The following TBC1D5 variants were observed in gnomAD, a reference collection of about 807,000 sequenced individuals.
TBC1D5 encodes the protein TBC1 domain family, member 5.
A neutral mutation model predicts 100.3 loss-of-function variants in TBC1D5; 75 were observed. The ratio of observed to expected loss-of-function variants is 0.75; its 90% confidence interval spans 0.62 to 0.91. The LOEUF is 0.91. Ranked by LOEUF, TBC1D5 falls within the 40% of genes least tolerant of loss-of-function variation. TBC1D5 has a pLI of 0.00. For missense variants in TBC1D5, 910 were observed against 942.4 expected, an observed-to-expected ratio of 0.97 and a Z score of 0.45; for synonymous variants, 323 against 325.6, an observed-to-expected ratio of 0.99 and a Z score of 0.09.
chr3:17,320,822 A>G (rs1368122810), intron 13 of TBC1D5, among the ~76,000 whole-genome samples: 1 of 152,142 alleles, frequency 6.6e-6, no homozygotes, highest in African/African-American at 2.4e-5. Context: ...TTACATTTCT[A>G]TATGTATTGA....
intron 2 of TBC1D5, among the ~76,000 whole-genome samples, chr3:17,552,491 C>A (rs576361682): frequency 6.6e-6 from 1 of 152,202 alleles, no homozygotes; most frequent in Non-Finnish European, 1.5e-5. Context: ...AAAGGCAAAT[C>A]ATGAAAGAAG....
chr3:17,291,526 G>T (rs1358260790), intron 15 of TBC1D5, among the ~76,000 whole-genome samples: 1 of 152,086 alleles, frequency 6.6e-6, no homozygotes, highest in Non-Finnish European at 1.5e-5. Context: ...TCTTCATATG[G>T]CCCCCAAGGT....
At chr3:17,673,897 T>C (rs1183476347) in intron 1 of TBC1D5, among the ~76,000 whole-genome samples, 1 of 152,164 alleles carries the variant, frequency 6.6e-6, no homozygotes. Context: ...GACTCCACCA[T>C]GCAGATCTCC....
intron 2 of TBC1D5, among the ~76,000 whole-genome samples, chr3:17,554,857 T>G (rs552762926): frequency 3.3e-5 from 5 of 151,580 alleles, no homozygotes; most frequent in African/African-American, 1.2e-4. Context: ...TTTTTTTTTT[T>G]CTTTTTTTTT....
At chr3:17,388,071 A>G (rs938964682) in intron 8 of TBC1D5, among the ~76,000 whole-genome samples, 2 of 152,120 alleles carry the variant, frequency 1.3e-5, no homozygotes, top group African/African-American at 4.8e-5. Context: ...ATGAACAGCA[A>G]AGATTAAGTA....
intron 2 of TBC1D5, among the ~76,000 whole-genome samples, chr3:17,554,936 G>A (rs747143515): frequency 1.1e-4 from 16 of 150,722 alleles, no homozygotes; most frequent in Non-Finnish European, 2.2e-4. Context: ...TGCCACCTCC[G>A]CCTCCCAGGT....
At chr3:17,700,890 A>C (rs909939941) in intron 1 of TBC1D5, among the ~76,000 whole-genome samples, 2 of 152,158 alleles carry the variant, frequency 1.3e-5, no homozygotes, top group African/African-American at 4.8e-5. Flanking sequence ...TGGGACTGTA[A>C]ACCAGTTCAA....
chr3:17,503,875 C>G (rs1243069294), intron 3 of TBC1D5, among the ~76,000 whole-genome samples: 1 of 149,558 alleles, frequency 6.7e-6, no homozygotes, highest in Non-Finnish European at 1.5e-5. Flanking sequence ...ATCATCATAA[C>G]TTGACATTTA....
rs2066902561 is a variant in TBC1D5, at chr3:17,663,639, A to C, written c.-100-39726T>G. 2.6e-5 allele frequency among the ~76,000 whole-genome samples: 4 copies of C among 152,186 alleles called. No individual in the cohort carries two copies. The South Asian group carries it at 8.3e-4, about 31-fold the overall frequency. ...AATGAAACTTGTAAAGTTTGGCAGT[A>C]AGTATCAAGAGACTTGTAATTACCC... On this transcript the variant is annotated intron_variant, in intron 1 of 21. Coordinates refer to ENST00000253692, the Ensembl canonical transcript of TBC1D5.
chr3:17,258,291 C>T (rs2077922263), intron 16 of TBC1D5, among the ~76,000 whole-genome samples: 1 of 152,064 alleles, frequency 6.6e-6, no homozygotes, highest in African/African-American at 2.4e-5. Flanking sequence ...CAAATTGTAA[C>T]AAGTACTCTT....
rs927820872 is a variant in TBC1D5, at chr3:17,645,501, A to G, written c.-100-21588T>C. On this transcript the variant is annotated intron_variant, in intron 1 of 21. Transcript: ENST00000253692. The stretch of plus-strand genomic sequence containing the variant: ...TTCGGCAACTAAATCCACTATCCAG[A>G]CATTACTAGAATTGACATTTAGAGT... Among the ~76,000 whole-genome samples, 6 of 152,244 alleles carry G rather than the reference A, an allele frequency of 3.9e-5. No homozygotes were observed. The East Asian group carries it at 5.8e-4, about 15-fold the overall frequency.
At chr3:17,392,714 A>G (rs929309896) in intron 8 of TBC1D5, among the ~76,000 whole-genome samples, 1 of 152,108 alleles carries the variant, frequency 6.6e-6, no homozygotes, top group Non-Finnish European at 1.5e-5. Context: ...TTATGGCTGC[A>G]TAGTATTCCA....
chr3:17,284,128 T>A (rs2080914434), intron 15 of TBC1D5, among the ~76,000 whole-genome samples: 1 of 62,140 alleles, frequency 1.6e-5, no homozygotes, highest in Non-Finnish European at 3.6e-5. Flanking sequence ...ACACACGTAT[T>A]TTTAATTTAG....
intron 2 of TBC1D5, among the ~76,000 whole-genome samples, chr3:17,527,793 A>G (rs1471241570): frequency 6.6e-6 from 1 of 152,248 alleles, no homozygotes; most frequent in African/African-American, 2.4e-5. Context: ...CCAGATGACA[A>G]TCTTCAAGAT....
chr3:17,439,344 T>C (rs536397627), intron 3 of TBC1D5, among the ~76,000 whole-genome samples: 1 of 152,294 alleles, frequency 6.6e-6, no homozygotes, highest in South Asian at 2.1e-4. Flanking sequence ...GTCTTTTAAA[T>C]AACAGCTATC....
intron 13 of TBC1D5, among the ~76,000 whole-genome samples, chr3:17,360,221 C>G (rs1334354259): frequency 1.3e-5 from 2 of 151,894 alleles, no homozygotes; most frequent in African/African-American, 4.8e-5. Flanking sequence ...TTTCCTGACC[C>G]TTGTTAGATG....
At chr3:17,473,033 C>A (rs1192431369) in intron 3 of TBC1D5, among the ~76,000 whole-genome samples, 1 of 152,126 alleles carries the variant, frequency 6.6e-6, no homozygotes, top group Non-Finnish European at 1.5e-5. Context: ...CTATCATGAG[C>A]TACAAATTTT....
upstream of TBC1D5, chr3:17,742,348 G>A (rs1326175677): frequency 6.5e-6 from 1 of 153,514 alleles, no homozygotes; most frequent in Non-Finnish European, 1.4e-5. Context: ...GGCGCGAAGG[G>A]GGGCGAAACC....
intron 9 of TBC1D5, 32 bp downstream of exon 9, chr3:17,383,881 A>T (rs1158349975): frequency 1.9e-6 from 3 of 1,543,758 alleles, no homozygotes; most frequent in Non-Finnish European, 2.7e-6. Flanking sequence ...ATTTTGAGTC[A>T]ATGGATGCCA....
Sources: gnomAD v4.1 joint callset for allele counts (sites outside exome capture counted in the v4.1 genomes callset) on GRCh38, gnomAD v4.1.1 for gene constraint, MANE v1.5 for transcripts, NCBI Gene and HGNC (gene_info 2026-07-23, HGNC 2026-07-21) for gene names.